TYW1B: variants seen among roughly 807,000 people sequenced by gnomAD.
The protein encoded by TYW1B is S-adenosyl-L-methionine-dependent tRNA 4-demethylwyosine synthase TYW1B.
Under a neutral mutation model 86.9 loss-of-function variants are expected in TYW1B, and 73 were observed. The observed-to-expected ratio is 0.84, with a 90% CI of 0.70 to 1.02. The LOEUF is 1.02. Among genes scored for constraint, TYW1B ranks in the 50% least tolerant of loss-of-function variants. The probability of loss-of-function intolerance (pLI) is 0.00; values close to 1 mark genes in which losing one functional copy is unlikely to be tolerated. For synonymous variants in TYW1B, 248 were observed against 292.8 expected (o/e 0.85, Z 1.56); for missense variants, 637 against 827.4 (o/e 0.77, Z 2.82).
rs782463070 is a variant in TYW1B, at chr7:72,807,245, T to C, written c.544A>G (p.Asn182Asp). 8.7e-6 allele frequency: 14 copies of C among 1,614,052 alleles called. 1 individual carries two copies. The highest frequency in any genetic ancestry group is 5.5e-5 in the South Asian group (5 of 91,084). The change falls in exon 5 of 14, where the codon AAC (asparagine) becomes GAC (aspartate). Residue 182 changes from asparagine (N) to aspartate (D), a missense_variant. Transcript: ENST00000620995. ...VKSKHGSIEA[N>D]FRAWKTKFIS... ...AACTTGGTCTTCCATGCTCTGAAGT[T>C]GGCCTCAATGCTGCCGTGCTTGCTT...
At chr7:72,773,305 A>G (rs1554469985) in intron 7 of TYW1B, among the ~76,000 whole-genome samples, 1 of 152,214 alleles carries the variant, frequency 6.6e-6, no homozygotes, top group African/African-American at 2.4e-5. Flanking sequence ...GGAGTAACAG[A>G]GAGGATTTAC....
At chr7:72,587,584 G>T (rs1554430706) in intron 13 of TYW1B, among the ~76,000 whole-genome samples, 3 of 152,084 alleles carry the variant, frequency 2.0e-5, no homozygotes, top group Non-Finnish European at 4.4e-5. Context: ...AAGCTGGGTG[G>T]TGCCAGCTGA....
rs180778640 is a variant in TYW1B at position 72,734,558 on chromosome 7, T to C, written c.1083-5627A>G. Among the ~76,000 whole-genome samples the C allele has an allele frequency of 2.1e-3, 317 of 152,288 alleles. 2 individuals are homozygous for C. The highest frequency in any genetic ancestry group is 7.3e-3 in the African/African-American group (303 of 41,570). Reference sequence around the variant, plus strand: ...GACATTGGTCTGGGCAATGATTTTATGAATAAAACTTCAAAATTACAGGCA... The same window carrying C: ...GACATTGGTCTGGGCAATGATTTTACGAATAAAACTTCAAAATTACAGGCA... On this transcript the variant is annotated intron_variant, in intron 8 of 13. Transcript: ENST00000620995.
chr7:72,740,195 T>C (rs1234806959), intron 8 of TYW1B, among the ~76,000 whole-genome samples: 5 of 151,882 alleles, frequency 3.3e-5, no homozygotes, highest in African/African-American at 1.2e-4. Context: ...ATTGCACCAC[T>C]GCACTCCAGC....
At chr7:72,755,588 T>A (rs546994487) in intron 7 of TYW1B, among the ~76,000 whole-genome samples, 2 of 152,100 alleles carry the variant, frequency 1.3e-5, no homozygotes, top group South Asian at 4.2e-4. Context: ...CACTTAAGCC[T>A]GGGAGGCTGA....
At chr7:72,694,402 G>T (rs1814257122) in intron 11 of TYW1B, among the ~76,000 whole-genome samples, 1 of 152,086 alleles carries the variant, frequency 6.6e-6, no homozygotes. Context: ...AATTAACTTT[G>T]GGAGTATATA....
At chr7:72,791,307 G>A (rs545997866) in intron 6 of TYW1B, among the ~76,000 whole-genome samples, 2 of 151,942 alleles carry the variant, frequency 1.3e-5, no homozygotes, top group South Asian at 2.1e-4. Flanking sequence ...AGCCCAGTCT[G>A]GCGCTCAGAC....
chr7:72,694,833 T>A lies in TYW1B; in HGVS notation c.1371-11A>T. The A allele has an allele frequency of 6.3e-7, 1 of 1,578,968 alleles. No homozygotes were observed. The highest frequency in any genetic ancestry group is 8.5e-7 in the Non-Finnish European group (1 of 1,170,680). On this transcript the variant is annotated splice_polypyrimidine_tract_variant and intron_variant, in intron 10 of 13. Coordinates refer to ENST00000620995, the MANE Select transcript of TYW1B (RefSeq NM_001145440.3). ...ACTGGCTCGAGGTTCCTTAGTAATT[T>A]TTTTTTTTAAAGGAAGAAAGAAAAA...
chr7:72,607,684 C>A (rs2129568217), intron 13 of TYW1B, among the ~76,000 whole-genome samples: 1 of 151,860 alleles, frequency 6.6e-6, no homozygotes, highest in Middle Eastern at 3.4e-3. Flanking sequence ...GAGAAACAAA[C>A]AAAGCCTCAG....
intron 11 of TYW1B, among the ~76,000 whole-genome samples, chr7:72,677,792 C>T (rs1813768860): frequency 6.6e-6 from 1 of 152,046 alleles, no homozygotes; most frequent in Non-Finnish European, 1.5e-5. Context: ...ACCTCCATCT[C>T]CCGGGTTCAA....
At chr7:72,584,264 TGAATTCCAG>T (rs1303007589) in intron 13 of TYW1B, among the ~76,000 whole-genome samples, 1 of 152,192 alleles carries the variant, frequency 6.6e-6, no homozygotes, top group African/African-American at 2.4e-5. Context: ...AGGATGGTCT[TGAATTCCAG>T]GGCTCATGCA....
intron 11 of TYW1B, among the ~76,000 whole-genome samples, chr7:72,647,599 T>C (rs1554442206): frequency 6.6e-6 from 1 of 152,204 alleles, no homozygotes; most frequent in East Asian, 1.9e-4. Context: ...TCAATCTAGA[T>C]GTGACTCTCA....
chr7:72,817,855 T>G lies in TYW1B; in HGVS notation c.136-2374A>C, dbSNP rs141712512. On this transcript the variant is annotated intron_variant, in intron 2 of 13. Coordinates refer to ENST00000620995, the MANE Select transcript of TYW1B (RefSeq NM_001145440.3). ...GGTTACACCCTATGCAAATGAAGAA[T>G]TGGCTCATGGCCAATCAGAGGCTGC... is the stretch of plus-strand genomic sequence containing the variant. Among the ~76,000 whole-genome samples, 131 of 152,204 alleles carry G rather than the reference T, an allele frequency of 8.6e-4. 2 individuals are homozygous for G. The East Asian group carries it at 0.023, about 27-fold the overall frequency.
intron 12 of TYW1B, among the ~76,000 whole-genome samples, chr7:72,621,097 G>A (rs1488772316): frequency 6.6e-6 from 1 of 152,126 alleles, no homozygotes; most frequent in Non-Finnish European, 1.5e-5. Context: ...AGTGTTGGGG[G>A]TGGAGCCCAA....
chr7:72,755,124 G>C (rs140162086), intron 7 of TYW1B, among the ~76,000 whole-genome samples: 4 of 152,052 alleles, frequency 2.6e-5, no homozygotes, highest in African/African-American at 7.2e-5. Flanking sequence ...TGGAATAACA[G>C]AAGTGTCATC....
chr7:72,629,884 C>T (rs1554439599), intron 11 of TYW1B, among the ~76,000 whole-genome samples: 2 of 152,050 alleles, frequency 1.3e-5, no homozygotes, highest in Non-Finnish European at 2.9e-5. Context: ...GCATTAAAGC[C>T]TTTAAAAAGC....
chr7:72,725,379 G>C (rs1216886552), intron 9 of TYW1B, among the ~76,000 whole-genome samples: 2 of 152,052 alleles, frequency 1.3e-5, no homozygotes, highest in African/African-American at 4.8e-5. Flanking sequence ...GGATGTCCAG[G>C]AAACACACAT....
intron 13 of TYW1B, among the ~76,000 whole-genome samples, chr7:72,585,210 C>T (rs576035173): frequency 7.1e-4 from 108 of 152,304 alleles, no homozygotes; most frequent in Non-Finnish European, 1.1e-3. Flanking sequence ...CAGCCACTGT[C>T]TCAAACCAGG....
chr7:72,826,990 A>G lies in TYW1B; in HGVS notation c.5-5T>C, dbSNP rs782485290. 6.2e-7 allele frequency: 1 copy of G among 1,600,940 alleles called. No individual in the cohort carries two copies. The highest frequency in any genetic ancestry group is 1.1e-5 in the South Asian group (1 of 88,662). ...CCCATGTATCCGCAGAAGGATCTAA[A>G]TTTAAAATGACACACACAGATAATT... On this transcript the variant is annotated splice_polypyrimidine_tract_variant and splice_region_variant and intron_variant, in intron 1 of 13. Transcript: ENST00000620995.
Sources: allele counts gnomAD v4.1 joint callset (sites outside exome capture counted in the v4.1 genomes callset), GRCh38; gene constraint gnomAD v4.1.1; transcripts MANE v1.5; gene names NCBI Gene and HGNC (gene_info 2026-07-23, HGNC 2026-07-21).